LRRC9: variants seen among roughly 807,000 people sequenced by gnomAD.
LRRC9 encodes leucine-rich repeat-containing protein 9.
A neutral mutation model predicts 63.2 loss-of-function variants in LRRC9; 122 were observed. That is an observed-to-expected ratio of 1.93 (90% confidence interval 1.67 to 2.24). The LOEUF (loss-of-function observed/expected upper bound fraction) is 2.24, where lower values mean the gene tolerates loss of function less well. Ranked by LOEUF, LRRC9 falls within the 30% of genes most tolerant of loss-of-function variation. LRRC9 has a pLI of 0.00. For missense variants in LRRC9, 1,071 were observed against 627.7 expected (o/e 1.71, Z -7.55); for synonymous variants, 366 against 213.1 (o/e 1.72, Z -6.25).
At chr14:59,992,712 T>C (rs1445726915) in intron 17 of LRRC9, among the ~76,000 whole-genome samples, 1 of 152,096 alleles carries the variant, frequency 6.6e-6, no homozygotes, top group Admixed American at 6.5e-5. Context: ...GTACCAGTGA[T>C]GGAAAATCAA....
Position 60,027,877 on chromosome 14 carries a change from T to C in LRRC9, c.3704-7T>C, listed in dbSNP as rs1166489618. 1 of 697,100 alleles carries C rather than the reference T, an allele frequency of 1.4e-6. No individual in the cohort carries two copies. Among genetic ancestry groups the C allele is most frequent in the South Asian group, 1.5e-5 (1 of 66,556 alleles). The allele number at this position is 697,100 out of a possible 1,614,324, so 43.2% of individuals were successfully genotyped here. On this transcript the variant is annotated splice_polypyrimidine_tract_variant and splice_region_variant and intron_variant, in intron 27 of 31. Transcript: ENST00000445360. This position sits in a 1 kb window ranked among gnomAD's most constrained non-coding sequence, Gnocchi z 4.0. ...CACTTGATATATCATGACTTATCTC[T>C]TTTTAGGTAATGAAATCAGCCAAGT...
intron 8 of LRRC9, among the ~76,000 whole-genome samples, chr14:59,945,909 C>CA (rs1882323221): frequency 6.6e-6 from 1 of 151,606 alleles, no homozygotes; most frequent in African/African-American, 2.4e-5. Flanking sequence ...TATAAACTGT[C>CA]AAAGTATGAC....
chr14:59,999,983 A>G (rs1889190726), intron 19 of LRRC9, among the ~76,000 whole-genome samples: 1 of 152,172 alleles, frequency 6.6e-6, no homozygotes, highest in Non-Finnish European at 1.5e-5. Context: ...CTAAAAAGAC[A>G]CATGCATTAA....
intron 27 of LRRC9, among the ~76,000 whole-genome samples, chr14:60,024,963 C>G (rs1484402245): frequency 6.6e-6 from 1 of 151,954 alleles, no homozygotes; most frequent in Non-Finnish European, 1.5e-5. Flanking sequence ...ATAATGGCCT[C>G]CAGCTCCATC....
At chr14:59,991,888 A>AG (rs1189394862) in intron 17 of LRRC9, among the ~76,000 whole-genome samples, 1 of 152,236 alleles carries the variant, frequency 6.6e-6, no homozygotes, top group East Asian at 1.9e-4. Context: ...CTCTGGGGGC[A>AG]GGGCATTGCC....
chr14:60,044,958 TTG>T (rs1893282150), intron 29 of LRRC9, among the ~76,000 whole-genome samples: 1 of 152,184 alleles, frequency 6.6e-6, no homozygotes, highest in Admixed American at 6.5e-5. Context: ...TTTATATATT[TTG>T]GAGCACTAGT....
intron 15 of LRRC9, among the ~76,000 whole-genome samples, chr14:59,981,280 A>T (rs559673724): frequency 1.3e-5 from 2 of 151,926 alleles, no homozygotes; most frequent in Non-Finnish European, 1.5e-5. Context: ...ATAGCAGCTT[A>T]TTCTTTTATC....
intron 29 of LRRC9, among the ~76,000 whole-genome samples, chr14:60,035,918 T>C (rs746401950): frequency 3.0e-4 from 46 of 151,034 alleles, no homozygotes; most frequent in Non-Finnish European, 5.9e-4. Flanking sequence ...CTGGGTAGTA[T>C]TGTCATTTTT....
At chr14:60,063,499 A>G (rs1245692141) in exon 32 of LRRC9, 1 of 616,468 alleles carries the variant, frequency 1.6e-6, no homozygotes, top group Non-Finnish European at 2.9e-6. Flanking sequence ...CTTCAGTTCC[A>G]TATGAAGATA....
At chr14:59,965,524 G>A (rs928897756) in intron 10 of LRRC9, among the ~76,000 whole-genome samples, 1 of 152,114 alleles carries the variant, frequency 6.6e-6, no homozygotes, top group African/African-American at 2.4e-5. Flanking sequence ...TGGTAACAGT[G>A]GTGATGATGA....
At chr14:59,963,249 T>G (rs1269880975) in intron 10 of LRRC9, among the ~76,000 whole-genome samples, 1 of 152,238 alleles carries the variant, frequency 6.6e-6, no homozygotes, top group Non-Finnish European at 1.5e-5. Context: ...CATTATCTCT[T>G]AGCTTCATTT....
In LRRC9 at chr14:59,964,147, T is replaced by TCC. The variant is rs1884611679; in HGVS notation, c.1212-2441_1212-2440dup. 6.6e-6 allele frequency among the ~76,000 whole-genome samples: 1 copy of TCC among 152,296 alleles called. No homozygotes were observed. Among genetic ancestry groups the TCC allele is most frequent in the Admixed American group, 6.5e-5 (1 of 15,302 alleles). On this transcript the variant is annotated intron_variant, in intron 10 of 31. Coordinates refer to ENST00000445360, the Ensembl canonical transcript of LRRC9. The surrounding 1 kb of genome is among the most constrained non-coding windows in gnomAD (Gnocchi z 4.4). ...AGACCATACAGTGGAGAATATTGAA[T>TCC]CCTCTACTGTAGGTGAAGAGTCTGA... is the stretch of plus-strand genomic sequence containing the variant.
At chr14:60,038,440 T>C (rs1210032316) in intron 29 of LRRC9, among the ~76,000 whole-genome samples, 1 of 152,042 alleles carries the variant, frequency 6.6e-6, no homozygotes, top group African/African-American at 2.4e-5. Context: ...CTTTTATTTC[T>C]TTTAGCAGTG....
chr14:59,934,732 T>C (rs554449343), intron 6 of LRRC9, among the ~76,000 whole-genome samples: 8 of 152,292 alleles, frequency 5.3e-5, no homozygotes, highest in African/African-American at 1.9e-4. Context: ...ACTAAATCTT[T>C]AAATCATACT....
intron 29 of LRRC9, among the ~76,000 whole-genome samples, chr14:60,036,410 C>G (rs1422729429): frequency 6.6e-6 from 1 of 152,156 alleles, no homozygotes; most frequent in Non-Finnish European, 1.5e-5. Flanking sequence ...CTCTTCCAGT[C>G]TAGAAGATTC....
At chr14:60,000,565 C>T (rs1183134595) in intron 19 of LRRC9, among the ~76,000 whole-genome samples, 15 of 152,098 alleles carry the variant, frequency 9.9e-5, no homozygotes, top group East Asian at 5.8e-4. Flanking sequence ...CTAATATAGA[C>T]GGTGGAAACT....
At chr14:59,984,092 A>T (rs1887213052) in intron 16 of LRRC9, among the ~76,000 whole-genome samples, 2 of 152,234 alleles carry the variant, frequency 1.3e-5, no homozygotes, top group South Asian at 4.1e-4. Flanking sequence ...GGTGATCAAC[A>T]GTATGTTAGA....
In LRRC9 at chr14:59,997,755, C is replaced by T. The variant is rs1888950462; in HGVS notation, c.2311C>T (p.Gln771Ter). The stretch of plus-strand genomic sequence containing the variant: ...GAAGCACTTAGACTTGAGCTGGAAT[C>T]AACTGAAAAAATCTGGCAATGAAAT... Residue 771 changes from glutamine to a stop codon, truncating the protein, a stop_gained, in exon 18 of 32, where the codon CAA (glutamine) becomes TAA (stop). Transcript: ENST00000445360. LOFTEE classifies it high-confidence loss of function. 4.3e-6 allele frequency: 3 copies of T among 702,360 alleles called. No homozygotes were observed. The highest frequency in any genetic ancestry group is 7.8e-6 in the Non-Finnish European group (3 of 384,454). 43.5% of individuals were successfully genotyped at this position (702,360 alleles called of 1,614,324 possible). A position where few individuals can be genotyped will look rare whatever the true frequency, so the allele number is the denominator to read the frequency against.
intron 27 of LRRC9, among the ~76,000 whole-genome samples, chr14:60,023,248 A>G (rs1308198893): frequency 2.0e-5 from 3 of 152,072 alleles, no homozygotes; most frequent in Non-Finnish European, 4.4e-5. Flanking sequence ...CCTTGATCTA[A>G]GTAGCTTAAG....
Sources: allele counts gnomAD v4.1 joint callset (sites outside exome capture counted in the v4.1 genomes callset), GRCh38; gene constraint gnomAD v4.1.1; non-coding constraint Gnocchi (gnomAD v3.1); transcripts MANE v1.5; gene names NCBI Gene and HGNC (gene_info 2026-07-23, HGNC 2026-07-21).